PLEKHM2: variants seen among roughly 807,000 people sequenced by gnomAD.
The protein encoded by PLEKHM2 is pleckstrin homology domain-containing family M member 2.
A neutral mutation model predicts 116.3 loss-of-function variants in PLEKHM2; 77 were observed. That is an observed-to-expected ratio of 0.66 (90% confidence interval 0.55 to 0.80). The LOEUF (loss-of-function observed/expected upper bound fraction) is 0.80. PLEKHM2 is among the 30% of genes least tolerant of loss of function. The pLI, the probability that PLEKHM2 is intolerant of heterozygous loss-of-function variation, is 0.00. For synonymous variants in PLEKHM2, 562 were observed against 571.0 expected (o/e 0.98, Z 0.22); for missense variants, 1,183 against 1,354.9 (o/e 0.87, Z 1.99).
At position 15,729,820 on chromosome 1, in the gene PLEKHM2, C is replaced by T; in HGVS notation, c.2099C>T (p.Ser700Leu). Reference protein sequence around the residue: ...LAEFFLASLKSAMIKGCREPP... With the variant: ...LAEFFLASLKLAMIKGCREPP... ...AGGTTCTTTTTGGCTTCTTTGAAGT[C>T]AGCCATGATCAAAGGCTGTCGAGAA... Residue 700 changes from serine (S) to leucine (L), a missense_variant, in exon 14 of 20, where the codon TCA becomes TTA. Coordinates refer to ENST00000375799, the MANE Select transcript of PLEKHM2 (RefSeq NM_015164.4). The surrounding 1 kb of genome is among the most constrained non-coding windows in gnomAD (Gnocchi z 4.7). 6.2e-7 allele frequency: 1 copy of T among 1,612,786 alleles called. No homozygotes were observed. The highest frequency in any genetic ancestry group is 1.3e-5 in the African/African-American group (1 of 75,002).
intron 1 of PLEKHM2, among the ~76,000 whole-genome samples, chr1:15,696,375 G>A (rs957470073): frequency 6.6e-6 from 1 of 152,156 alleles, no homozygotes; most frequent in African/African-American, 2.4e-5. Context: ...TTGAGACGGA[G>A]TTTTGCTCTT....
chr1:15,698,655 C>T (rs1018468598), intron 1 of PLEKHM2, among the ~76,000 whole-genome samples: 3 of 148,004 alleles, frequency 2.0e-5, no homozygotes, highest in Admixed American at 6.9e-5. Context: ...TCAAGTGATT[C>T]TCCTGTCTCA....
chr1:15,727,797 G>C lies in PLEKHM2; in HGVS notation c.1725G>C (p.Gly575=). ...ATTCTGGGGTGGATGAGGGACAGGG[G>C]AGCCCTTCGGAGATGGTCCATTCCT... ...AEDSGVDEGQ[G]SPSEMVHSSE... The change falls in exon 9 of 20, where the codon GGG becomes GGC. Residue 575 remains glycine (G), a synonymous_variant. Transcript: ENST00000375799. The surrounding 1 kb of genome is among the most constrained non-coding windows in gnomAD (Gnocchi z 7.5). 6.3e-7 allele frequency: 1 copy of C among 1,598,204 alleles called. No individual in the cohort carries two copies. Among genetic ancestry groups the C allele is most frequent in the Admixed American group, 1.7e-5 (1 of 57,934 alleles).
intron 15 of PLEKHM2, 67 bp from the exon 16 acceptor site, chr1:15,731,125 G>C (rs2068136444): frequency 8.4e-7 from 1 of 1,190,660 alleles, no homozygotes; most frequent in Non-Finnish European, 1.2e-6. Context: ...GGAACCCTGG[G>C]ACCTGGGCTC....
intron 1 of PLEKHM2, among the ~76,000 whole-genome samples, chr1:15,697,952 A>G (rs1422819902): frequency 6.6e-6 from 1 of 152,204 alleles, no homozygotes; most frequent in Admixed American, 6.5e-5. Context: ...GGAGGTGGGC[A>G]AAGAAACCTG....
At chr1:15,697,045 T>C (rs1288063919) in intron 1 of PLEKHM2, among the ~76,000 whole-genome samples, 1 of 152,098 alleles carries the variant, frequency 6.6e-6, no homozygotes, top group Non-Finnish European at 1.5e-5. Flanking sequence ...GGGGAGGCAC[T>C]CATGAGGTGG....
intron 15 of PLEKHM2, 144 bp from the exon 16 acceptor site, chr1:15,731,048 C>G: frequency 1.5e-6 from 1 of 680,714 alleles, no homozygotes; most frequent in Non-Finnish European, 2.6e-6. Context: ...TTCACCCTGC[C>G]TTCCGTAGAT....
rs2148373752 is a variant in PLEKHM2 at position 15,728,189 on chromosome 1, G to A, written c.1830+41G>A. ...TCAGGAGTGAGCAAGAGACGGCAAG[G>A]GCAAGGCGGGATGGGCCACCGCCCC... On this transcript the variant is annotated intron_variant, in intron 10 of 19. Coordinates refer to ENST00000375799, the MANE Select transcript of PLEKHM2 (RefSeq NM_015164.4). This position sits in a 1 kb window ranked among gnomAD's most constrained non-coding sequence, Gnocchi z 5.9. 2.5e-6 allele frequency: 4 copies of A among 1,606,004 alleles called. No individual in the cohort carries two copies. The highest frequency in any genetic ancestry group is 1.1e-5 in the South Asian group (1 of 90,522).
chr1:15,716,473 C>T (rs534816885), intron 2 of PLEKHM2, 130 bp downstream of exon 2: 2 of 684,366 alleles, frequency 2.9e-6, no homozygotes, highest in African/African-American at 1.8e-5. Context: ...TTGTCCCACT[C>T]AAGTGGGCCA....
intron 1 of PLEKHM2, 75 bp downstream of exon 1, chr1:15,684,693 G>T: frequency 1.3e-6 from 1 of 799,606 alleles, no homozygotes; most frequent in Non-Finnish European, 1.6e-6. Flanking sequence ...CGCTCTCCCG[G>T]GCCGGGGCCC....
intron 1 of PLEKHM2, among the ~76,000 whole-genome samples, chr1:15,694,154 C>T (rs1353967482): frequency 6.6e-6 from 1 of 152,082 alleles, no homozygotes; most frequent in Non-Finnish European, 1.5e-5. Flanking sequence ...GAGTTCGAGA[C>T]CAGCTTGACC....
intron 1 of PLEKHM2, among the ~76,000 whole-genome samples, chr1:15,706,041 A>T (rs967973628): frequency 3.9e-5 from 6 of 152,152 alleles, no homozygotes; most frequent in African/African-American, 1.4e-4. Flanking sequence ...AGATCGCGCC[A>T]TTGCACTCCA....
chr1:15,732,759 AG>A, intron 19 of PLEKHM2, 31 bp downstream of exon 19: 1 of 1,466,916 alleles, frequency 6.8e-7, no homozygotes. Flanking sequence ...CCCATTAGCC[AG>A]GGACCCTGTG....
chr1:15,719,757 C>G lies in PLEKHM2; in HGVS notation c.489C>G (p.Ala163=), dbSNP rs776733282. ...LDLDAPYLDL[A]PYMPDYYKPQ... ...AGGATGCCCCTTACCTAGACCTGGCCCCCTACATGCCCGACTACTACAAAC... is the reference window on the plus strand; with the variant it reads ...AGGATGCCCCTTACCTAGACCTGGCGCCCTACATGCCCGACTACTACAAAC... The change falls in exon 6 of 20, where the codon GCC becomes GCG. Residue 163 remains alanine (A), a synonymous_variant. Coordinates refer to ENST00000375799, the MANE Select transcript of PLEKHM2 (RefSeq NM_015164.4). This position sits in a 1 kb window ranked among gnomAD's most constrained non-coding sequence, Gnocchi z 4.1. 1 of 1,612,738 alleles carries G rather than the reference C, an allele frequency of 6.2e-7. No individual in the cohort carries two copies.
intron 7 of PLEKHM2, among the ~76,000 whole-genome samples, chr1:15,724,006 G>A (rs928770794): frequency 6.6e-6 from 1 of 152,202 alleles, no homozygotes; most frequent in African/African-American, 2.4e-5. Flanking sequence ...TGCTTGGGTG[G>A]CTCCCATCTG....
At chr1:15,702,257 G>A (rs971287297) in intron 1 of PLEKHM2, among the ~76,000 whole-genome samples, 1 of 152,176 alleles carries the variant, frequency 6.6e-6, no homozygotes, top group African/African-American at 2.4e-5. Flanking sequence ...CGCCATGTGA[G>A]GGGCAGCCTC....
Position 15,730,550 on chromosome 1 carries a change from C to A in PLEKHM2, c.2227C>A (p.Arg743Ser), listed in dbSNP as rs769063819. 1 of 1,590,880 alleles carries A rather than the reference C, an allele frequency of 6.3e-7. No individual in the cohort carries two copies. The highest frequency in any genetic ancestry group is 2.3e-5 in the East Asian group (1 of 43,692). Residue 743 changes from arginine (R) to serine (S), a missense_variant, in exon 15 of 20, where the codon CGC becomes AGC. Physicochemically the swap from Arg to Ser is moderately radical, Grantham distance 110. Around this residue, in one of 3 missense-constraint regions of PLEKHM2, gnomAD observed 594 missense variants for 720.1 expected, o/e 0.82. Transcript: ENST00000375799. ...GCATCAGGCATCTGCTGTCACCGTGCGCTTCTACGGCCTTGTGCACTGGGA... is the reference window on the plus strand; with the variant it reads ...GCATCAGGCATCTGCTGTCACCGTGAGCTTCTACGGCCTTGTGCACTGGGA... ...SKCEASAVTVRFYGLVHWEDP... is the reference protein window; with the variant it reads ...SKCEASAVTVSFYGLVHWEDP...
intron 1 of PLEKHM2, among the ~76,000 whole-genome samples, chr1:15,694,755 TG>T (rs971964668): frequency 4.9e-5 from 7 of 141,740 alleles, no homozygotes; most frequent in Admixed American, 4.1e-4. Context: ...TATTTTGTTT[TG>T]TTTTTTTTTT....
chr1:15,729,186 G>T lies in PLEKHM2; in HGVS notation c.2071G>T (p.Ala691Ser), dbSNP rs1006906978. The change falls in exon 13 of 20, where the codon GCT becomes TCT. Residue 691 changes from alanine to serine, a missense_variant. By Grantham distance (99) the Ala-to-Ser change is moderately conservative (BLOSUM62 1). Coordinates refer to ENST00000375799, the MANE Select transcript of PLEKHM2 (RefSeq NM_015164.4). The surrounding 1 kb of genome is among the most constrained non-coding windows in gnomAD (Gnocchi z 4.7). ...FLLDTADVAL[A>S]EFFLASLKSA... ...GCTGGACACGGCTGATGTGGCGCTG[G>T]CTGAGTGAGTGGCAACCCCGCCCCT... The T allele has an allele frequency of 1.9e-6, 3 of 1,608,766 alleles. No individual in the cohort carries two copies. The African/African-American group carries it at 4.0e-5, about 21-fold the overall frequency.
Sources: allele counts gnomAD v4.1 joint callset (sites outside exome capture counted in the v4.1 genomes callset), GRCh38; gene constraint gnomAD v4.1.1; regional missense constraint gnomAD v4.1.1; non-coding constraint Gnocchi (gnomAD v3.1); transcripts MANE v1.5; gene names NCBI Gene and HGNC (gene_info 2026-07-23, HGNC 2026-07-21).